The following RBFOX1 variants were observed in gnomAD, a reference collection of about 807,000 sequenced individuals.
RBFOX1 encodes RNA binding fox-1 homolog 1, also known as RNA binding protein fox-1 homolog 1.
In RBFOX1, 8 loss-of-function variants were observed where a neutral mutation model predicts 57.7. That is an observed-to-expected ratio of 0.14 (90% CI 0.08 to 0.25). The LOEUF (loss-of-function observed/expected upper bound fraction) is 0.25, where lower values mean the gene tolerates loss of function less well. Among genes scored for constraint, RBFOX1 ranks in the 10% least tolerant of loss-of-function variants. The pLI, the probability that RBFOX1 is intolerant of heterozygous loss-of-function variation, is 1.00. For synonymous variants in RBFOX1, 326 were observed against 222.4 expected, an observed-to-expected ratio of 1.47 and a Z score of -4.15; for missense variants, 611 against 548.5, an observed-to-expected ratio of 1.11 and a Z score of -1.14.
At chr16:7,573,410 C>T (rs530752655) in intron 5 of RBFOX1, among the ~76,000 whole-genome samples, 2 of 152,190 alleles carry the variant, frequency 1.3e-5, no homozygotes, top group African/African-American at 2.4e-5. Context: ...CCGTCCACCT[C>T]TAACATCCTT....
intron 3 of RBFOX1, among the ~76,000 whole-genome samples, chr16:6,734,809 GA>G (rs2069669227): frequency 6.6e-6 from 1 of 152,094 alleles, no homozygotes; most frequent in African/African-American, 2.4e-5. Context: ...TATTTTTTAC[GA>G]AATCTAGATG....
chr16:5,672,553 G>A (rs540409480), intron 3 of RBFOX1, among the ~76,000 whole-genome samples: 7 of 152,064 alleles, frequency 4.6e-5, no homozygotes, highest in South Asian at 2.1e-4. Flanking sequence ...AGTGCGCCAC[G>A]TTCTCTGTAA....
intron 4 of RBFOX1, among the ~76,000 whole-genome samples, chr16:7,084,839 C>T (rs1430615579): frequency 1.3e-5 from 2 of 151,298 alleles, no homozygotes; most frequent in African/African-American, 4.9e-5. Flanking sequence ...GCAATCTTGT[C>T]TGTCTGTCTG....
At chr16:6,834,891 A>ATTT (rs71147607) in intron 3 of RBFOX1, among the ~76,000 whole-genome samples, 2 of 118,968 alleles carry the variant, frequency 1.7e-5, no homozygotes, top group East Asian at 2.7e-4. Flanking sequence ...TGACTTCTCT[A>ATTT]TTTTTTTTTT....
In RBFOX1 at chr16:6,382,397, G is replaced by A. The variant is rs182242589; in HGVS notation, c.-64+65340G>A. Reference sequence around the variant, plus strand: ...TGTGCTTGCTTTCTCCTGCAGAGTGGGTAAAGGAATGGTACTGAGGACTAG... The same window carrying A: ...TGTGCTTGCTTTCTCCTGCAGAGTGAGTAAAGGAATGGTACTGAGGACTAG... On this transcript the variant is annotated intron_variant, in intron 2 of 15. Coordinates refer to ENST00000550418, the MANE Select transcript of RBFOX1 (RefSeq NM_018723.4). Among the ~76,000 whole-genome samples, 93 of 152,248 alleles carry A rather than the reference G, an allele frequency of 6.1e-4. 1 individual carries two copies. In the Middle Eastern group the frequency reaches 0.01, roughly 17 times the overall value.
At chr16:5,820,127 G>T (rs2055791459) in intron 3 of RBFOX1, among the ~76,000 whole-genome samples, 1 of 152,170 alleles carries the variant, frequency 6.6e-6, no homozygotes, top group Admixed American at 6.5e-5. Flanking sequence ...ACCACCTCTA[G>T]GAAGTGGTTG....
intron 3 of RBFOX1, among the ~76,000 whole-genome samples, chr16:6,791,314 A>G (rs1008501311): frequency 1.3e-5 from 2 of 152,190 alleles, no homozygotes; most frequent in East Asian, 3.9e-4. Context: ...TTCATTATAT[A>G]TGATTAGTTA....
chr16:5,476,695 C>T (rs1429969730), intron 2 of RBFOX1, among the ~76,000 whole-genome samples: 1 of 152,194 alleles, frequency 6.6e-6, no homozygotes, highest in African/African-American at 2.4e-5. Context: ...CCATGGATGC[C>T]TTTTAATTTA....
intron 1 of RBFOX1, among the ~76,000 whole-genome samples, chr16:6,070,683 G>C (rs1187052787): frequency 6.6e-6 from 1 of 151,834 alleles, no homozygotes; most frequent in African/African-American, 2.4e-5. Context: ...AAAATTCCTG[G>C]AAACATTTGC....
At chr16:6,442,054 C>T (rs1003767330) in intron 2 of RBFOX1, among the ~76,000 whole-genome samples, 5 of 152,174 alleles carry the variant, frequency 3.3e-5, no homozygotes, top group African/African-American at 1.2e-4. Flanking sequence ...TTTAATTCTT[C>T]CAAGCCCTTA....
intron 1 of RBFOX1, among the ~76,000 whole-genome samples, chr16:5,427,968 G>C (rs958709468): frequency 6.6e-6 from 1 of 152,202 alleles, no homozygotes; most frequent in Non-Finnish European, 1.5e-5. Context: ...AACTCTTGAC[G>C]AGAAGCTGCT....
At chr16:7,064,087 C>T (rs2055301262) in intron 4 of RBFOX1, among the ~76,000 whole-genome samples, 2 of 151,294 alleles carry the variant, frequency 1.3e-5, no homozygotes, top group Admixed American at 6.6e-5. Context: ...GTACTTGAAG[C>T]TAAGGTCTTT....
At chr16:5,425,860 T>G (rs985934867) in intron 1 of RBFOX1, among the ~76,000 whole-genome samples, 3 of 152,124 alleles carry the variant, frequency 2.0e-5, no homozygotes, top group Non-Finnish European at 2.9e-5. Flanking sequence ...AGGTAAGCTT[T>G]CTGCTCCTGG....
intron 1 of RBFOX1, among the ~76,000 whole-genome samples, chr16:6,262,503 T>G (rs1198608181): frequency 6.6e-6 from 1 of 152,138 alleles, no homozygotes; most frequent in South Asian, 2.1e-4. Context: ...AGGGAGGCAG[T>G]GTTCACTGCA....
intron 5 of RBFOX1, among the ~76,000 whole-genome samples, chr16:7,551,981 G>A (rs570123984): frequency 3.9e-5 from 6 of 152,130 alleles, no homozygotes; most frequent in African/African-American, 9.7e-5. Context: ...TGCAAAGGCC[G>A]TGTGTCCACA....
At chr16:5,301,285 C>G (rs1348990077) in intron 1 of RBFOX1, among the ~76,000 whole-genome samples, 10 of 152,118 alleles carry the variant, frequency 6.6e-5, no homozygotes, top group Admixed American at 4.6e-4. Flanking sequence ...GGCCCTCAGT[C>G]CAATAGCCTG....
intron 2 of RBFOX1, among the ~76,000 whole-genome samples, chr16:6,459,641 G>A (rs1275739260): frequency 6.6e-6 from 1 of 151,908 alleles, no homozygotes; most frequent in Non-Finnish European, 1.5e-5. Context: ...ATAGATATAT[G>A]GAATATAGAA....
intron 4 of RBFOX1, among the ~76,000 whole-genome samples, chr16:7,302,120 A>G (rs573607003): frequency 1.3e-5 from 2 of 152,216 alleles, no homozygotes; most frequent in South Asian, 4.1e-4. Flanking sequence ...ACTTCTGCCT[A>G]GGGCTAAAGG....
chr16:5,846,571 G>T (rs1368946313), intron 3 of RBFOX1, among the ~76,000 whole-genome samples: 2 of 152,220 alleles, frequency 1.3e-5, no homozygotes, highest in African/African-American at 4.8e-5. Flanking sequence ...AGGTGTACCT[G>T]TGGGTGCACA....
Sources: allele counts gnomAD v4.1 joint callset (sites outside exome capture counted in the v4.1 genomes callset), GRCh38; gene constraint gnomAD v4.1.1; transcripts MANE v1.5; gene names NCBI Gene and HGNC (gene_info 2026-07-23, HGNC 2026-07-21).